Variants in TMPRSS5 observed in about 807,000 individuals in gnomAD.
TMPRSS5 encodes transmembrane serine protease 5, also known as transmembrane protease serine 5.
TMPRSS5 carries 45 observed loss-of-function variants against 59.7 expected under a neutral mutation model. That is an observed-to-expected ratio of 0.75 (90% CI 0.59 to 0.97). The LOEUF is 0.97. Ranked by LOEUF, TMPRSS5 falls within the 50% of genes least tolerant of loss-of-function variation. The pLI, the probability that TMPRSS5 is intolerant of heterozygous loss-of-function variation, is 0.00. For synonymous variants in TMPRSS5, 225 were observed against 232.0 expected (o/e 0.97, Z 0.27); for missense variants, 585 against 596.7 (o/e 0.98, Z 0.20).
At position 113,689,769 on chromosome 11, in the gene TMPRSS5, G is replaced by T; in HGVS notation, c.1355C>A (p.Ala452Asp). 1 of 1,610,244 alleles carries T rather than the reference G, an allele frequency of 6.2e-7. No individual in the cohort carries two copies. Among genetic ancestry groups the T allele is most frequent in the African/African-American group, 1.3e-5 (1 of 74,914 alleles). ...AEFLDWIHDT[A>D]QDSLL ...TACTCCTGCCCCCACACTCACCTGA[G>T]CAGTGTCATGGATCCAGTCCAGAAA... The change falls in exon 12 of 13, where the codon GCT becomes GAT. Residue 452 changes from alanine (A) to aspartate (D), a missense_variant. Transcript: ENST00000299882.
At chr11:113,693,319 TGGAGG>T in intron 8 of TMPRSS5, 70 bp from the exon 9 acceptor site, 1 of 1,428,782 alleles carries the variant, frequency 7.0e-7, no homozygotes, top group Non-Finnish European at 9.2e-7. Flanking sequence ...AGGTAGCAGG[TGGAGG>T]AAGCTGGCCA....
chr11:113,690,180 T>TCCCCCCCCCCCCCC, intron 11 of TMPRSS5, 51 bp downstream of exon 11: 1 of 187,990 alleles, frequency 5.3e-6, no homozygotes. Flanking sequence ...CCCCCTGCCC[T>TCCCCCCCCCCCCCC]CCCACCCCCA....
In TMPRSS5 at chr11:113,689,845, G is replaced by A. The variant is rs377620994; in HGVS notation, c.1279C>T (p.Arg427Cys). 8 of 1,591,286 alleles carry A rather than the reference G, an allele frequency of 5.0e-6. No homozygotes were observed. Among genetic ancestry groups the A allele is most frequent in the African/African-American group, 1.3e-5 (1 of 74,358 alleles). Residue 427 changes from arginine (R) to cysteine (C), a missense_variant, in exon 12 of 13, where the codon CGT becomes TGT. Coordinates refer to ENST00000299882, the MANE Select transcript of TMPRSS5 (RefSeq NM_030770.4). Reference sequence around the variant, plus strand: ...GGGTGATTGGGCTCTGCGCAGCCACGCCCCCAGCTGACCACCCCCACTAGG... The same window carrying A: ...GGGTGATTGGGCTCTGCGCAGCCACACCCCCAGCTGACCACCCCCACTAGG... ...WRLVGVVSWG[R>C]GCAEPNHPGV...
At chr11:113,700,782 C>T (rs1319501877) in intron 1 of TMPRSS5, among the ~76,000 whole-genome samples, 6 of 152,170 alleles carry the variant, frequency 3.9e-5, no homozygotes, top group African/African-American at 1.4e-4. Flanking sequence ...AGCTAAACTA[C>T]CTGATATGGT....
intron 12 of TMPRSS5, among the ~76,000 whole-genome samples, chr11:113,688,808 ACCT>A (rs1406636336): frequency 1.3e-5 from 2 of 151,818 alleles, no homozygotes; most frequent in African/African-American, 4.8e-5. Context: ...TGATCCGCCC[ACCT>A]CGGCCGCCCA....
In TMPRSS5 at chr11:113,699,666, A is replaced by G. The variant is rs1279265294; in HGVS notation, c.134T>C (p.Met45Thr). ...PISQAVCWRS[M>T]RRGCAVLGAL... ...TCCCAGCACTGCACAGCCACGTCGC[A>G]TGGAACGCCAGCACACTGCCTGAGA... The change falls in exon 3 of 13, where the codon ATG becomes ACG. Residue 45 changes from methionine to threonine, a missense_variant. Coordinates refer to ENST00000299882, the MANE Select transcript of TMPRSS5 (RefSeq NM_030770.4). The G allele has an allele frequency of 1.9e-6, 3 of 1,582,328 alleles. No individual in the cohort carries two copies. The highest frequency in any genetic ancestry group is 2.3e-5 in the South Asian group (2 of 85,962).
intron 1 of TMPRSS5, among the ~76,000 whole-genome samples, chr11:113,703,111 A>C (rs1400353676): frequency 6.6e-6 from 1 of 152,200 alleles, no homozygotes; most frequent in Admixed American, 6.5e-5. Context: ...GTGAGCCTGG[A>C]AAAGCTGCAG....
At chr11:113,691,037 C>T (rs2134785799) in intron 9 of TMPRSS5, 98 bp from the exon 10 acceptor site, 2 of 1,160,076 alleles carry the variant, frequency 1.7e-6, no homozygotes, top group South Asian at 2.9e-5. Flanking sequence ...CCTCCTCAGC[C>T]CCCTTCTCAA....
In TMPRSS5 at chr11:113,700,067, G is replaced by A. The variant is rs1009714807; in HGVS notation, c.105C>T (p.Pro35=). The stretch of plus-strand genomic sequence containing the variant: ...CCCCTATGGCCCAGTCTGGCCTACT[G>A]GGATGCTGCTGGTCTCCAGGCTCTG... The part of the protein sequence containing the change: ...FRAEPGDQQH[P]ISQAVCWRSM... Residue 35 remains proline, a splice_region_variant and synonymous_variant, in exon 2 of 13, where the codon CCC becomes CCT. Coordinates refer to ENST00000299882, the MANE Select transcript of TMPRSS5 (RefSeq NM_030770.4). The A allele has an allele frequency of 1.9e-6, 3 of 1,563,130 alleles. No individual in the cohort carries two copies. The highest frequency in any genetic ancestry group is 2.6e-6 in the Non-Finnish European group (3 of 1,153,308).
intron 1 of TMPRSS5, among the ~76,000 whole-genome samples, chr11:113,702,450 G>T (rs1024941507): frequency 6.6e-6 from 1 of 152,172 alleles, no homozygotes; most frequent in African/African-American, 2.4e-5. Context: ...AGGAAAGAGA[G>T]CATAAAAGGT....
rs376677374 is a variant in TMPRSS5, at chr11:113,693,225, G to T, written c.810C>A (p.Ser270Arg). The change falls in exon 9 of 13, where the codon AGC becomes AGA. Residue 270 changes from serine (S) to arginine (R), a missense_variant. By Grantham distance (110) the Ser-to-Arg change is moderately radical (BLOSUM62 -1). Coordinates refer to ENST00000299882, the MANE Select transcript of TMPRSS5 (RefSeq NM_030770.4). ...TGACCAGCCCCGCATGAACCCGCCA[G>T]CTGGACAGGCGGGCCAGCCTGAAAC... ...MHSFRLARLSSWRVHAGLVSH... is the reference protein window; with the variant it reads ...MHSFRLARLSRWRVHAGLVSH... The T allele has an allele frequency of 7.0e-6, 11 of 1,578,860 alleles. No homozygotes were observed. In the African/African-American group the frequency reaches 1.4e-4, roughly 19 times the overall value.
rs746155548 is a variant in TMPRSS5, at chr11:113,690,280, G to A, written c.1157C>T (p.Pro386Leu). 5 of 1,572,040 alleles carry A rather than the reference G, an allele frequency of 3.2e-6. No individual in the cohort carries two copies. Among genetic ancestry groups the A allele is most frequent in the East Asian group, 2.4e-5 (1 of 42,196 alleles). ...SSCVYSGALT[P>L]RMLCAGYLDG... ...CAGGTAGCCAGCGCAAAGCATGCGG[G>A]GGGTGAGGGCTCCGCTGTACACGCA... Residue 386 changes from proline to leucine, a missense_variant, in exon 11 of 13, where the codon CCC becomes CTC. Pro to Leu is a moderately conservative substitution (Grantham distance 98). Coordinates refer to ENST00000299882, the MANE Select transcript of TMPRSS5 (RefSeq NM_030770.4).
At chr11:113,703,056 C>T (rs1953187501) in intron 1 of TMPRSS5, among the ~76,000 whole-genome samples, 1 of 152,206 alleles carries the variant, frequency 6.6e-6, no homozygotes, top group Admixed American at 6.5e-5. Flanking sequence ...AGAAGGCCAC[C>T]ATCCTCCAGA....
intron 7 of TMPRSS5, 93 bp downstream of exon 7, chr11:113,695,307 G>T: frequency 7.1e-7 from 1 of 1,405,932 alleles, no homozygotes. Flanking sequence ...CCCAGGCCCA[G>T]CAGAGTCTCA....
At chr11:113,692,181 C>A (rs951969156) in intron 9 of TMPRSS5, among the ~76,000 whole-genome samples, 3 of 152,224 alleles carry the variant, frequency 2.0e-5, no homozygotes, top group Non-Finnish European at 4.4e-5. Flanking sequence ...AGCCGCCATG[C>A]CCAGCCTTAG....
chr11:113,688,302 C>T, intron 12 of TMPRSS5, 28 bp from the exon 13 acceptor site: 1 of 1,502,096 alleles, frequency 6.7e-7, no homozygotes, highest in Non-Finnish European at 9.1e-7. Flanking sequence ...GGAACTGATT[C>T]ACAGCATGGC....
chr11:113,702,636 C>T (rs1953173865), intron 1 of TMPRSS5, among the ~76,000 whole-genome samples: 1 of 152,208 alleles, frequency 6.6e-6, no homozygotes, highest in Admixed American at 6.5e-5. Flanking sequence ...CCTTCCATTA[C>T]CAGACCAGAG....
intron 1 of TMPRSS5, among the ~76,000 whole-genome samples, chr11:113,705,050 T>C (rs1452454681): frequency 2.6e-5 from 4 of 152,016 alleles, no homozygotes; most frequent in Non-Finnish European, 4.4e-5. Context: ...GTAGATAAGA[T>C]CTCTCAAAAC....
intron 6 of TMPRSS5, 50 bp downstream of exon 6, chr11:113,696,808 C>T (rs370430877): frequency 1.7e-5 from 22 of 1,320,764 alleles, no homozygotes; most frequent in Non-Finnish European, 2.1e-5. Flanking sequence ...GCTGGATTGA[C>T]CACCAGGAAG....
Sources: gnomAD v4.1 joint callset for allele counts (sites outside exome capture counted in the v4.1 genomes callset) on GRCh38, gnomAD v4.1.1 for gene constraint, MANE v1.5 for transcripts, NCBI Gene and HGNC (gene_info 2026-07-23, HGNC 2026-07-21) for gene names.